The following PTDSS1 variants were observed in gnomAD, a reference collection of about 807,000 sequenced individuals.
The protein encoded by PTDSS1 is phosphatidylserine synthase 1, also known as PSS-1.
A neutral mutation model predicts 70.5 loss-of-function variants in PTDSS1; 45 were observed. The ratio of observed to expected loss-of-function variants is 0.64; its 90% CI spans 0.50 to 0.82. The LOEUF is 0.82. Among genes scored for constraint, PTDSS1 ranks in the 40% least tolerant of loss-of-function variants. The pLI, the probability that PTDSS1 is intolerant of heterozygous loss-of-function variation, is 0.00. For missense variants in PTDSS1, 417 were observed against 586.1 expected (o/e 0.71, Z 2.98); for synonymous variants, 188 against 203.8 (o/e 0.92, Z 0.66).
chr8:96,331,697 A>G (rs1339484799), intron 12 of PTDSS1, among the ~76,000 whole-genome samples: 2 of 152,028 alleles, frequency 1.3e-5, no homozygotes, highest in African/African-American at 2.4e-5. Flanking sequence ...GCCCCACACC[A>G]TTTCAAGCAC....
intron 10 of PTDSS1, among the ~76,000 whole-genome samples, chr8:96,324,583 T>A (rs1250405789): frequency 6.6e-6 from 1 of 152,174 alleles, no homozygotes; most frequent in Non-Finnish European, 1.5e-5. Flanking sequence ...CAGAAACAAG[T>A]GCACCAGACA....
chr8:96,275,616 G>T (rs1810629964), intron 2 of PTDSS1, among the ~76,000 whole-genome samples: 1 of 152,188 alleles, frequency 6.6e-6, no homozygotes, highest in African/African-American at 2.4e-5. Context: ...AGCCAAGGGT[G>T]GGTTCCCTGA....
At chr8:96,317,071 G>GTGTATATA (rs33916906) in intron 9 of PTDSS1, among the ~76,000 whole-genome samples, 6 of 148,622 alleles carry the variant, frequency 4.0e-5, no homozygotes, top group Non-Finnish European at 7.4e-5. Context: ...GTGTGTGTGT[G>GTGTATATA]TATATATATA....
intron 10 of PTDSS1, among the ~76,000 whole-genome samples, chr8:96,327,166 G>A (rs141945122): frequency 4.6e-5 from 7 of 152,314 alleles, no homozygotes; most frequent in South Asian, 2.1e-4. Context: ...GGATTTGGTC[G>A]TTGGTGGAAA....
In PTDSS1 at chr8:96,287,127, C is replaced by T; in HGVS notation, c.422C>T (p.Thr141Ile). Residue 141 changes from threonine to isoleucine, a missense_variant, in exon 4 of 13, where the codon ACA (threonine) becomes ATA (isoleucine). Thr to Ile is a moderately conservative substitution (Grantham distance 89). Coordinates refer to ENST00000517309, the MANE Select transcript of PTDSS1 (RefSeq NM_014754.3). ...CTAGATCCAAATCTTCGATACGCCA[C>T]AAGGGAAGCAGATGTCATGGTATGT... ...YWLDPNLRYA[T>I]READVMEYAV... 1 of 1,614,154 alleles carries T rather than the reference C, an allele frequency of 6.2e-7. No homozygotes were observed. The highest frequency in any genetic ancestry group is 1.7e-5 in the Admixed American group (1 of 60,020).
chr8:96,302,251 C>T (rs1015564014), intron 6 of PTDSS1, among the ~76,000 whole-genome samples: 1 of 152,004 alleles, frequency 6.6e-6, no homozygotes, highest in Non-Finnish European at 1.5e-5. Context: ...AGGCTAGTCT[C>T]GAACTCCCAA....
rs1811492390 is a variant in PTDSS1, at chr8:96,330,102, C to T, written c.1174-111C>T. 1.9e-5 allele frequency: 19 copies of T among 1,005,936 alleles called. No individual in the cohort carries two copies. In the South Asian group the frequency reaches 2.2e-4, roughly 12 times the overall value. The allele number at this position is 1,005,936 out of a possible 1,614,324, so 62.3% of individuals were successfully genotyped here. ...CCACGTCCAGCCGTTTTGTAACCGG[C>T]GTCCAGACGGCAGAAATGCATTGAA... is the stretch of plus-strand genomic sequence containing the variant. On this transcript the variant is annotated intron_variant, in intron 10 of 12. Transcript: ENST00000517309.
At chr8:96,317,085 A>C (rs1444608531) in intron 9 of PTDSS1, among the ~76,000 whole-genome samples, 2 of 150,916 alleles carry the variant, frequency 1.3e-5, no homozygotes, top group Non-Finnish European at 3.0e-5. Context: ...ATATATATGG[A>C]GAGAGAGAGA....
chr8:96,330,794 C>A, intron 11 of PTDSS1: 1 of 523,672 alleles, frequency 1.9e-6, no homozygotes, highest in Non-Finnish European at 3.4e-6. Flanking sequence ...TTATTTACAC[C>A]TTCAGTCTAA....
At chr8:96,299,505 A>G (rs866403740) in intron 5 of PTDSS1, among the ~76,000 whole-genome samples, 189 bp from the exon 6 acceptor site, 2 of 152,236 alleles carry the variant, frequency 1.3e-5, no homozygotes, top group African/African-American at 4.8e-5. Flanking sequence ...TTTGCAAACC[A>G]TCTGCAATAT....
Position 96,299,696 on chromosome 8 carries a change from C to T in PTDSS1, c.603C>T (p.Leu201=). 8 of 1,608,846 alleles carry T rather than the reference C, an allele frequency of 5.0e-6. No homozygotes were observed. The highest frequency in any genetic ancestry group is 6.8e-6 in the Non-Finnish European group (8 of 1,178,530). Residue 201 remains leucine (L), a splice_region_variant and synonymous_variant, in exon 6 of 13, where the codon CTC becomes CTT. Coordinates refer to ENST00000517309, the MANE Select transcript of PTDSS1 (RefSeq NM_014754.3). ...CCATGGGCTCTTGTGTTTCTCAGCT[C>T]TTCTTCATGCATCTCCTCCCCAATT... ...TISITWELTE[L]FFMHLLPNFA...
intron 5 of PTDSS1, among the ~76,000 whole-genome samples, chr8:96,298,536 T>A (rs1167934102): frequency 6.6e-6 from 1 of 152,196 alleles, no homozygotes; most frequent in Non-Finnish European, 1.5e-5. Context: ...TTGATCTTAC[T>A]GTTTCCCCTT....
At chr8:96,303,744 G>A (rs1011561175) in intron 6 of PTDSS1, among the ~76,000 whole-genome samples, 1 of 152,204 alleles carries the variant, frequency 6.6e-6, no homozygotes, top group Admixed American at 6.5e-5. Flanking sequence ...GTAAAGAAGT[G>A]TTGTGGGTGA....
intron 1 of PTDSS1, among the ~76,000 whole-genome samples, chr8:96,269,241 A>G (rs781219305): frequency 3.3e-5 from 5 of 152,108 alleles, no homozygotes; most frequent in Non-Finnish European, 5.9e-5. Flanking sequence ...CTCTGCCTCT[A>G]TTTGTGTGTG....
At position 96,299,040 on chromosome 8, in the gene PTDSS1, A is replaced by G. The variant is rs527616613; in HGVS notation, c.601-654A>G. Among the ~76,000 whole-genome samples the G allele has an allele frequency of 8.0e-5, 12 of 150,174 alleles. No individual in the cohort carries two copies. The South Asian group carries it at 2.5e-3, about 31-fold the overall frequency. On this transcript the variant is annotated intron_variant, in intron 5 of 12. Transcript: ENST00000517309. ...GGGCAACAGAGCAAGACTCTGTCTC[A>G]GAAAAAAAAAAAAAAAATACAACAT...
intron 2 of PTDSS1, among the ~76,000 whole-genome samples, chr8:96,276,907 T>C (rs1810650522): frequency 6.6e-6 from 1 of 151,996 alleles, no homozygotes; most frequent in Non-Finnish European, 1.5e-5. Context: ...TCCTACTGTC[T>C]CCTGTTTCCA....
Position 96,333,781 on chromosome 8 carries a change from G to T in PTDSS1, c.*215G>T, listed in dbSNP as rs1181308586. On this transcript the variant is annotated 3_prime_UTR_variant, in exon 13 of 13. Coordinates refer to ENST00000517309, the MANE Select transcript of PTDSS1 (RefSeq NM_014754.3). ...CCTGGGGGGCCTTTGCCAACGTGGG[G>T]TCTCTTCTAACTTCAGCACTTGACA... The T allele has an allele frequency of 1.4e-6, 1 of 703,128 alleles. No homozygotes were observed. The highest frequency in any genetic ancestry group is 2.6e-6 in the Non-Finnish European group (1 of 386,122). The allele number at this position is 703,128 out of a possible 1,614,324, so 43.6% of individuals were successfully genotyped here.
intron 3 of PTDSS1, among the ~76,000 whole-genome samples, chr8:96,285,801 C>T (rs1810814648): frequency 6.6e-6 from 1 of 152,104 alleles, no homozygotes; most frequent in Admixed American, 6.6e-5. Context: ...ATTGAGAATC[C>T]CTGCACCACA....
intron 1 of PTDSS1, among the ~76,000 whole-genome samples, chr8:96,269,996 A>G (rs765711563): frequency 6.6e-6 from 1 of 152,068 alleles, no homozygotes; most frequent in Non-Finnish European, 1.5e-5. Context: ...TCCTCACACA[A>G]CCCTATGAGG....
Sources: allele counts gnomAD v4.1 joint callset (sites outside exome capture counted in the v4.1 genomes callset), GRCh38; gene constraint gnomAD v4.1.1; transcripts MANE v1.5; gene names NCBI Gene and HGNC (gene_info 2026-07-23, HGNC 2026-07-21).